POLR3K: variants seen among roughly 807,000 people sequenced by gnomAD.
POLR3K encodes the protein DNA-directed RNA polymerase III subunit RPC10.
POLR3K carries 11 observed loss-of-function variants against 13.5 expected under a neutral mutation model. The observed-to-expected ratio is 0.81, with a 90% CI of 0.51 to 1.35. POLR3K has a LOEUF of 1.35. Ranked by LOEUF, POLR3K falls within the 40% of genes most tolerant of loss-of-function variation. The pLI, the probability that POLR3K is intolerant of heterozygous loss-of-function variation, is 0.00. For synonymous variants in POLR3K, 56 were observed against 51.5 expected (o/e 1.09, Z -0.38); for missense variants, 144 against 145.3 (o/e 0.99, Z 0.05).
intron 1 of POLR3K, among the ~76,000 whole-genome samples, chr16:52,628 T>G (rs1316565004): frequency 2.0e-5 from 3 of 147,500 alleles, no homozygotes; most frequent in Admixed American, 1.3e-4. Context: ...CAGCCAGGGG[T>G]GGTGGCGGAC....
intron 2 of POLR3K, among the ~76,000 whole-genome samples, chr16:49,743 G>A (rs139001779): frequency 0.14 from 20,703 of 151,480 alleles, 1,531 homozygotes; most frequent in Middle Eastern, 0.24. Context: ...AGGTTCAAGC[G>A]ATTCTCCTGT....
chr16:48,241 C>G (rs1897301217), intron 2 of POLR3K, among the ~76,000 whole-genome samples: 2 of 152,032 alleles, frequency 1.3e-5, no homozygotes. Context: ...TTTGATCCCC[C>G]TTGACAAGGG....
intron 2 of POLR3K, among the ~76,000 whole-genome samples, chr16:48,309 AGACCTGT>A (rs1356072421): frequency 3.3e-5 from 5 of 152,142 alleles, no homozygotes; most frequent in African/African-American, 1.2e-4. Context: ...GGAATCTGGG[AGACCTGT>A]GACTCACACA....
At chr16:48,353 A>G (rs1944861843) in intron 2 of POLR3K, among the ~76,000 whole-genome samples, 1 of 152,138 alleles carries the variant, frequency 6.6e-6, no homozygotes, top group South Asian at 2.1e-4. Context: ...CCTGAGTCCC[A>G]TGGTTCTTCT....
chr16:47,957 C>G (rs1325345734), intron 2 of POLR3K, among the ~76,000 whole-genome samples: 1 of 130,738 alleles, frequency 7.6e-6, no homozygotes, highest in Non-Finnish European at 1.6e-5. Context: ...GGGGCGATCT[C>G]AGCTCACTGC....
chr16:47,624 G>A (rs933169311), intron 2 of POLR3K, 67 bp from the exon 3 acceptor site: 11 of 1,546,480 alleles, frequency 7.1e-6, no homozygotes, highest in Non-Finnish European at 8.8e-6. Flanking sequence ...TCAAAAGTAG[G>A]TATTACTTAA....
Position 46,868 on chromosome 16 carries a change from G to A in POLR3K, c.*562C>T, listed in dbSNP as rs1052832690. On this transcript the variant is annotated 3_prime_UTR_variant, in exon 3 of 3. Transcript: ENST00000293860. ...GAATAAAGAAAGAAATTGAAATCCC[G>A]GTGATTAACATTTTCGTAGCCTGTT... 5 of 151,972 alleles carry A rather than the reference G, an allele frequency of 3.3e-5. No individual in the cohort carries two copies. In the East Asian group the frequency reaches 5.8e-4, roughly 18 times the overall value. 9.4% of individuals were successfully genotyped at this position (151,972 alleles called of 1,614,324 possible).
chr16:53,356 G>T, intron 1 of POLR3K, 120 bp downstream of exon 1: 1 of 1,442,498 alleles, frequency 6.9e-7, no homozygotes. Context: ...AGACCAGAAA[G>T]GGGCGCGAGA....
chr16:52,797 AAT>A (rs1897352747), intron 1 of POLR3K, among the ~76,000 whole-genome samples: 1 of 25,870 alleles, frequency 3.9e-5, no homozygotes, highest in African/African-American at 1.3e-4. Context: ...AAAAAAAAAC[AAT>A]AAAAAAAAAT....
chr16:47,629 A>C (rs1185596118), intron 2 of POLR3K, 72 bp from the exon 3 acceptor site: 1 of 1,527,104 alleles, frequency 6.5e-7, no homozygotes, highest in Non-Finnish European at 8.9e-7. Context: ...AGTAGGTATT[A>C]CTTAATATGT....
intron 1 of POLR3K, among the ~76,000 whole-genome samples, chr16:52,644 T>C (rs950748355): frequency 9.3e-5 from 14 of 149,812 alleles, no homozygotes; most frequent in Non-Finnish European, 1.8e-4. Context: ...CGGACGCCTG[T>C]AGTCCCAGCT....
chr16:47,426 G>A lies in POLR3K; in HGVS notation c.*4C>T, dbSNP rs759905737. On this transcript the variant is annotated 3_prime_UTR_variant, in exon 3 of 3. Transcript: ENST00000293860. The stretch of plus-strand genomic sequence containing the variant: ...CACACTAGGGCAGCTGGGCCATCCT[G>A]GCCCTAATCCCTCCAGCGGTGTCCA... 1.9e-6 allele frequency: 3 copies of A among 1,612,132 alleles called. No homozygotes were observed. Among genetic ancestry groups the A allele is most frequent in the Non-Finnish European group, 2.5e-6 (3 of 1,178,770 alleles).
Position 52,795 on chromosome 16 carries a change from A to AAAC in POLR3K, c.111+680_111+681insGTT, listed in dbSNP as rs1301989386. 9.5e-3 allele frequency among the ~76,000 whole-genome samples: 254 copies of AAAC among 26,802 alleles called. 4 individuals carry two copies. The highest frequency in any genetic ancestry group is 0.031 in the African/African-American group (240 of 7,780). The allele number at this position is 26,802 out of a possible 152,430, so 17.6% of individuals were successfully genotyped here. The stretch of plus-strand genomic sequence containing the variant: ...AAAAAAAAAAAAAAAAAAAAAAAAA[A>AAAC]CAATAAAAAAAAATAAAGAAAGCAC... On this transcript the variant is annotated intron_variant, in intron 1 of 2. Transcript: ENST00000293860.
In POLR3K at chr16:53,468, G is replaced by T. The variant is rs1480960428; in HGVS notation, c.111+8C>A. On this transcript the variant is annotated splice_region_variant and intron_variant, in intron 1 of 2. Coordinates refer to ENST00000293860, the MANE Select transcript of POLR3K (RefSeq NM_016310.5). ...CGCCCGCGCCCAGCGCCGGCCTTCG[G>T]GTCCCACCTTGCGGGTGATGTTGTG... is the stretch of plus-strand genomic sequence containing the variant. The T allele has an allele frequency of 8.1e-6, 13 of 1,606,506 alleles. No homozygotes were observed. The highest frequency in any genetic ancestry group is 1.0e-5 in the Non-Finnish European group (12 of 1,176,198).
At chr16:52,901 G>A (rs1596458811) in intron 1 of POLR3K, 1 of 152,570 alleles carries the variant, frequency 6.6e-6, no homozygotes, top group African/African-American at 2.4e-5. Flanking sequence ...ATTGGAAGGA[G>A]GGGCTGAAAT....
chr16:48,617 C>G (rs1194494265), intron 2 of POLR3K, among the ~76,000 whole-genome samples: 1 of 151,682 alleles, frequency 6.6e-6, no homozygotes, highest in Non-Finnish European at 1.5e-5. Flanking sequence ...CGAGACCATC[C>G]TGGCTAACAT....
chr16:49,851 G>A (rs1378997282), intron 2 of POLR3K, among the ~76,000 whole-genome samples: 2 of 152,054 alleles, frequency 1.3e-5, no homozygotes, highest in Non-Finnish European at 2.9e-5. Flanking sequence ...TGTTGGCCAG[G>A]ATGGTCTCGA....
chr16:50,955 C>T (rs554996625), intron 2 of POLR3K, among the ~76,000 whole-genome samples: 1 of 152,156 alleles, frequency 6.6e-6, no homozygotes, highest in Non-Finnish European at 1.5e-5. Context: ...GAAACGCAAA[C>T]GCTTATAAAA....
intron 1 of POLR3K, 95 bp from the exon 2 acceptor site, chr16:51,740 G>T: frequency 9.8e-7 from 1 of 1,022,954 alleles, no homozygotes; most frequent in Non-Finnish European, 1.5e-6. Flanking sequence ...AGTTCACTCG[G>T]CTGGGCGTGG....
Sources: gnomAD v4.1 joint callset for allele counts (sites outside exome capture counted in the v4.1 genomes callset) on GRCh38, gnomAD v4.1.1 for gene constraint, MANE v1.5 for transcripts, NCBI Gene and HGNC (gene_info 2026-07-23, HGNC 2026-07-21) for gene names.